SAMSN1: variants seen among roughly 807,000 people sequenced by gnomAD.
SAMSN1 encodes SAM domain, SH3 domain and nuclear localization signals 1.
A neutral mutation model predicts 42.0 loss-of-function variants in SAMSN1; 31 were observed. The ratio of observed to expected loss-of-function variants is 0.74; its 90% CI spans 0.55 to 1.00. SAMSN1 has a LOEUF of 1.00. SAMSN1 is among the 50% of genes least tolerant of loss of function. The pLI is 0.00. For missense variants in SAMSN1, 464 were observed against 439.4 expected (o/e 1.06, Z -0.50); for synonymous variants, 178 against 151.9 (o/e 1.17, Z -1.26).
intron 2 of SAMSN1, among the ~76,000 whole-genome samples, chr21:14,639,925 G>A (rs1486084096): frequency 6.6e-6 from 1 of 152,088 alleles, no homozygotes; most frequent in Admixed American, 6.6e-5. Context: ...CTTTGGACGA[G>A]CTATCCATTA....
chr21:14,516,695 C>A (rs1987934609), intron 3 of SAMSN1, among the ~76,000 whole-genome samples, 197 bp downstream of exon 3: 1 of 152,140 alleles, frequency 6.6e-6, no homozygotes, highest in South Asian at 2.1e-4. Flanking sequence ...CCAGCAGATG[C>A]ATGATCTTTC....
At position 14,516,389 on chromosome 21, in the gene SAMSN1, C is replaced by CT. The variant is rs373360633; in HGVS notation, c.279+502dup. The stretch of plus-strand genomic sequence containing the variant: ...TCGCATCACATTCTAGATGCATGAT[C>CT]TTTTTTTTTGTTTTGTTTTTTGAGA... On this transcript the variant is annotated intron_variant, in intron 3 of 7. Transcript: ENST00000400566. Among the ~76,000 whole-genome samples the CT allele has an allele frequency of 4.8e-3, 726 of 151,564 alleles. 9 individuals carry two copies. Among genetic ancestry groups the CT allele is most frequent in the African/African-American group, 0.015 (636 of 41,340 alleles).
intron 1 of SAMSN1, among the ~76,000 whole-genome samples, chr21:14,529,506 G>C (rs1979100730): frequency 6.6e-6 from 1 of 152,232 alleles, no homozygotes. Context: ...AGACCATAAG[G>C]GTTTGCATCA....
chr21:14,604,159 T>C (rs1259726160), intron 5 of SAMSN1, among the ~76,000 whole-genome samples: 1 of 152,172 alleles, frequency 6.6e-6, no homozygotes, highest in East Asian at 1.9e-4. Flanking sequence ...TCTCCAAAAA[T>C]GTTTTATAAA....
At chr21:14,517,642 GA>G (rs1353501984) in intron 2 of SAMSN1, among the ~76,000 whole-genome samples, 3 of 152,134 alleles carry the variant, frequency 2.0e-5, no homozygotes, top group East Asian at 3.9e-4. Context: ...CATTAGTACA[GA>G]AATCTTCATG....
intron 2 of SAMSN1, among the ~76,000 whole-genome samples, chr21:14,626,092 C>T (rs967846285): frequency 3.9e-5 from 6 of 152,154 alleles, no homozygotes; most frequent in Admixed American, 1.3e-4. Context: ...AAAGTTGAAA[C>T]TGGATCCCTT....
intron 1 of SAMSN1, among the ~76,000 whole-genome samples, chr21:14,649,304 G>T (rs552942075): frequency 0.016 from 2,454 of 150,098 alleles, 55 homozygotes; most frequent in African/African-American, 0.055. Flanking sequence ...GGATAGCATT[G>T]GGAGATATAC....
chr21:14,629,797 A>G lies in SAMSN1; in HGVS notation c.156+13205T>C, dbSNP rs28435806. Among the ~76,000 whole-genome samples, 1,415 of 152,312 alleles carry G rather than the reference A, an allele frequency of 9.3e-3. 27 individuals carry two copies. Among genetic ancestry groups the G allele is most frequent in the African/African-American group, 0.033 (1,356 of 41,568 alleles). The stretch of plus-strand genomic sequence containing the variant: ...AGCAACAAACTCTTCTCAGAGCACT[A>G]TAAATATCCAGGATGGCAAAACAGG... On this transcript the variant is annotated intron_variant, in intron 2 of 15. Coordinates refer to the SAMSN1 transcript ENST00000647101.
chr21:14,566,363 T>A (rs1285637010), intron 2 of SAMSN1, among the ~76,000 whole-genome samples: 1 of 152,190 alleles, frequency 6.6e-6, no homozygotes, highest in Non-Finnish European at 1.5e-5. Context: ...TTAACACCAG[T>A]GATTTTCATT....
intron 2 of SAMSN1, among the ~76,000 whole-genome samples, chr21:14,560,866 G>A (rs1383119739): frequency 4.6e-5 from 7 of 152,114 alleles, no homozygotes; most frequent in African/African-American, 9.7e-5. Context: ...CTGCCATAAC[G>A]AAGTCATACA....
intron 2 of SAMSN1, among the ~76,000 whole-genome samples, chr21:14,551,323 T>C (rs573893285): frequency 6.6e-6 from 1 of 152,162 alleles, no homozygotes; most frequent in East Asian, 1.9e-4. Flanking sequence ...TGGCCTAAGA[T>C]GAATGGTGAA....
intron 5 of SAMSN1, among the ~76,000 whole-genome samples, chr21:14,509,137 G>GA (rs1437216842): frequency 7.0e-6 from 1 of 143,584 alleles, no homozygotes. Context: ...CAAAAGAAAA[G>GA]AAAAAAGAAA....
At chr21:14,643,013 T>A in exon 2 of SAMSN1, 1 of 717,160 alleles carries the variant, frequency 1.4e-6, no homozygotes. Flanking sequence ...ACGAAGAGAT[T>A]GTTTGGTGTT....
At chr21:14,564,924 T>C (rs1981060595) in intron 2 of SAMSN1, among the ~76,000 whole-genome samples, 1 of 151,898 alleles carries the variant, frequency 6.6e-6, no homozygotes, top group African/African-American at 2.4e-5. Context: ...ATCAAAGGGA[T>C]GGAGAAGCAA....
chr21:14,538,354 G>A (rs1379702579), intron 1 of SAMSN1, among the ~76,000 whole-genome samples: 1 of 152,156 alleles, frequency 6.6e-6, no homozygotes, highest in African/African-American at 2.4e-5. Context: ...AGGCTTAGAA[G>A]CAGAAAAACT....
At chr21:14,582,691 A>G (rs1473071194) in intron 1 of SAMSN1, among the ~76,000 whole-genome samples, 2 of 152,080 alleles carry the variant, frequency 1.3e-5, no homozygotes, top group Non-Finnish European at 2.9e-5. Flanking sequence ...TAAAAGTCGC[A>G]TTTTTCTGAC....
intron 1 of SAMSN1, among the ~76,000 whole-genome samples, chr21:14,532,703 T>C (rs1028806879): frequency 3.3e-5 from 5 of 152,156 alleles, no homozygotes; most frequent in Non-Finnish European, 7.4e-5. Context: ...ATTTGTTTTA[T>C]TGGTAATGAC....
intron 7 of SAMSN1, among the ~76,000 whole-genome samples, chr21:14,590,231 G>A (rs1600948839): frequency 6.6e-6 from 1 of 151,242 alleles, no homozygotes; most frequent in East Asian, 1.9e-4. Flanking sequence ...CTACAGTGAA[G>A]ATGTGTTAGT....
chr21:14,605,934 C>T (rs891373443), intron 5 of SAMSN1, among the ~76,000 whole-genome samples: 1 of 151,870 alleles, frequency 6.6e-6, no homozygotes, highest in Non-Finnish European at 1.5e-5. Flanking sequence ...CTCCGCCTCC[C>T]AGGTTCACGC....
Sources: allele counts gnomAD v4.1 joint callset (sites outside exome capture counted in the v4.1 genomes callset), GRCh38; gene constraint gnomAD v4.1.1; transcripts MANE v1.5; gene names NCBI Gene and HGNC (gene_info 2026-07-23, HGNC 2026-07-21).